AGTPBP1: variants seen among roughly 807,000 people sequenced by gnomAD.
The protein encoded by AGTPBP1 is ATP/GTP binding carboxypeptidase 1, also known as cytosolic carboxypeptidase 1.
Under a neutral mutation model 143.9 loss-of-function variants are expected in AGTPBP1, and 70 were observed. The ratio of observed to expected loss-of-function variants is 0.49; its 90% CI spans 0.40 to 0.59. The LOEUF (loss-of-function observed/expected upper bound fraction) is 0.59, where lower values mean the gene tolerates loss of function less well. AGTPBP1 is among the 20% of genes least tolerant of loss of function. AGTPBP1 has a pLI of 0.00. For missense variants in AGTPBP1, 1,229 were observed against 1,464.5 expected, an observed-to-expected ratio of 0.84 and a Z score of 2.62; for synonymous variants, 463 against 500.2, an observed-to-expected ratio of 0.93 and a Z score of 0.99.
At chr9:85,641,003 C>T (rs1406641969) in intron 13 of AGTPBP1, among the ~76,000 whole-genome samples, 1 of 152,074 alleles carries the variant, frequency 6.6e-6, no homozygotes, top group Non-Finnish European at 1.5e-5. Context: ...AGTAGCATAC[C>T]ACCATGGTCC....
intron 14 of AGTPBP1, among the ~76,000 whole-genome samples, chr9:85,631,853 G>T (rs1034699115): frequency 2.2e-4 from 33 of 151,868 alleles, no homozygotes; most frequent in African/African-American, 7.7e-4. Context: ...ACCAAAAAAG[G>T]TATTTTTATA....
chr9:85,790,893 T>C, the AGTPBP1 span, among the ~76,000 whole-genome samples: 18 of 152,178 alleles, frequency 1.2e-4, no homozygotes, highest in Admixed American at 8.5e-4. Context: ...GAAAATTAAA[T>C]ATTTTTTTAA....
intron 1 of AGTPBP1, among the ~76,000 whole-genome samples, chr9:85,728,650 T>A (rs1456582185): frequency 6.6e-6 from 1 of 152,208 alleles, no homozygotes; most frequent in Non-Finnish European, 1.5e-5. Context: ...AAGATGAACT[T>A]CTTTTAGTTT....
the AGTPBP1 span, chr9:85,773,957 A>G: frequency 6.2e-7 from 1 of 1,609,568 alleles, no homozygotes; most frequent in Non-Finnish European, 8.5e-7. Flanking sequence ...ACCATCTAAA[A>G]TTGCAGTGTG....
the AGTPBP1 span, among the ~76,000 whole-genome samples, chr9:85,759,766 A>C: frequency 2.0e-5 from 3 of 152,216 alleles, no homozygotes; most frequent in Admixed American, 6.5e-5. Flanking sequence ...AGAAATAACT[A>C]AGATCAGAGC....
chr9:85,640,546 C>A (rs149635359), intron 13 of AGTPBP1, among the ~76,000 whole-genome samples: 39 of 152,298 alleles, frequency 2.6e-4, no homozygotes, highest in Non-Finnish European at 5.3e-4. Context: ...TCAGATCTGT[C>A]TTTACAATCT....
chr9:85,657,786 T>C, intron 9 of AGTPBP1, 143 bp from the exon 10 acceptor site: 1 of 550,008 alleles, frequency 1.8e-6, no homozygotes, highest in South Asian at 4.3e-5. Context: ...CACATATTTA[T>C]ATTTTTTCTA....
chr9:85,741,775 C>T lies in AGTPBP1; in HGVS notation c.-34G>A. On this transcript the variant is annotated splice_region_variant and 5_prime_UTR_variant, in exon 1 of 26. Transcript: ENST00000357081. ...ATGAGGACTGCAGCAGGGCGCTCAC[C>T]GGCTCAGGATGGGGCGCTGGCGGGG... 1 of 1,336,178 alleles carries T rather than the reference C, an allele frequency of 7.5e-7. No homozygotes were observed. The highest frequency in any genetic ancestry group is 9.6e-7 in the Non-Finnish European group (1 of 1,045,550). 82.8% of individuals were successfully genotyped at this position (1,336,178 alleles called of 1,614,324 possible). A position where few individuals can be genotyped will look rare whatever the true frequency, so the allele number is the denominator to read the frequency against.
chr9:85,560,521 C>T (rs1417508295), intron 25 of AGTPBP1, among the ~76,000 whole-genome samples: 2 of 152,098 alleles, frequency 1.3e-5, no homozygotes, highest in Non-Finnish European at 2.9e-5. Context: ...TCAAAGTCTG[C>T]TCGAAAGTAA....
At chr9:85,733,232 A>G (rs1839005716) in intron 1 of AGTPBP1, among the ~76,000 whole-genome samples, 1 of 152,234 alleles carries the variant, frequency 6.6e-6, no homozygotes, top group Admixed American at 6.5e-5. Context: ...ATTAGGATAC[A>G]AATTAAGTCT....
intron 5 of AGTPBP1, 131 bp downstream of exon 5, chr9:85,678,204 A>G: frequency 1.8e-6 from 1 of 568,066 alleles, no homozygotes; most frequent in South Asian, 3.4e-5. Context: ...AAACTATGAC[A>G]TTTCAGTTTC....
At chr9:85,675,046 G>A (rs1013170258) in intron 6 of AGTPBP1, among the ~76,000 whole-genome samples, 18 of 151,952 alleles carry the variant, frequency 1.2e-4, no homozygotes, top group African/African-American at 4.1e-4. Context: ...ACAGGTAGGC[G>A]CCACCATGCC....
intron 2 of AGTPBP1, among the ~76,000 whole-genome samples, chr9:85,694,102 C>T (rs1587918796): frequency 6.6e-6 from 1 of 152,070 alleles, no homozygotes; most frequent in African/African-American, 2.4e-5. Context: ...GGCTTGTAGG[C>T]CATTTTAAGG....
intron 1 of AGTPBP1, among the ~76,000 whole-genome samples, chr9:85,739,190 C>T (rs1004979522): frequency 3.3e-5 from 5 of 152,188 alleles, no homozygotes; most frequent in African/African-American, 1.2e-4. Context: ...TACACAGGCA[C>T]AGTAATCAAC....
At chr9:85,738,207 G>T (rs188774354) in intron 1 of AGTPBP1, among the ~76,000 whole-genome samples, 6 of 151,806 alleles carry the variant, frequency 4.0e-5, no homozygotes, top group Admixed American at 2.6e-4. Flanking sequence ...AGCTTTTTGG[G>T]GATCCTCAAC....
intron 25 of AGTPBP1, among the ~76,000 whole-genome samples, chr9:85,570,325 G>A (rs752318681): frequency 1.7e-4 from 26 of 152,120 alleles, no homozygotes; most frequent in Non-Finnish European, 2.9e-4. Context: ...ATTTGACCAC[G>A]GTTAACTGAA....
chr9:85,794,490 C>T, the AGTPBP1 span, among the ~76,000 whole-genome samples: 2 of 152,164 alleles, frequency 1.3e-5, no homozygotes, highest in African/African-American at 4.8e-5. Context: ...TATTTCTGGA[C>T]TCAATTTTAT....
Position 85,686,237 on chromosome 9 carries a change from A to G in AGTPBP1, c.158-4902T>C, listed in dbSNP as rs7036144. Among the ~76,000 whole-genome samples, 459 of 152,206 alleles carry G rather than the reference A, an allele frequency of 3.0e-3. 3 individuals are homozygous for G. Among genetic ancestry groups the G allele is most frequent in the African/African-American group, 0.011 (440 of 41,560 alleles). ...ATCACACTTTGGATTCAATGACACA[A>G]AAAGGCTGGGAGTAAAAGAATAGAA... On this transcript the variant is annotated intron_variant, in intron 3 of 25. Transcript: ENST00000357081.
chr9:85,782,446 C>T, the AGTPBP1 span, among the ~76,000 whole-genome samples: 1 of 152,066 alleles, frequency 6.6e-6, no homozygotes, highest in African/African-American at 2.4e-5. Flanking sequence ...ACCCGGGAGG[C>T]AGAGGTTGCA....
Sources: gnomAD v4.1 joint callset for allele counts (sites outside exome capture counted in the v4.1 genomes callset) on GRCh38, gnomAD v4.1.1 for gene constraint, MANE v1.5 for transcripts, NCBI Gene and HGNC (gene_info 2026-07-23, HGNC 2026-07-21) for gene names.